RABEP1: variants seen among roughly 807,000 people sequenced by gnomAD.
RABEP1 encodes rabaptin, RAB GTPase binding effector protein 1.
Under a neutral mutation model 123.4 loss-of-function variants are expected in RABEP1, and 51 were observed. The observed-to-expected ratio is 0.41, with a 90% CI of 0.33 to 0.52. The LOEUF (loss-of-function observed/expected upper bound fraction) is 0.52, where lower values mean the gene tolerates loss of function less well. Ranked by LOEUF, RABEP1 falls within the 20% of genes least tolerant of loss-of-function variation. The pLI, the probability that RABEP1 is intolerant of heterozygous loss-of-function variation, is 0.16. For synonymous variants in RABEP1, 347 were observed against 355.2 expected (o/e 0.98, Z 0.26); for missense variants, 888 against 996.3 (o/e 0.89, Z 1.46).
intron 2 of RABEP1, among the ~76,000 whole-genome samples, chr17:5,318,399 C>CA (rs1333379042): frequency 6.6e-6 from 1 of 151,854 alleles, no homozygotes; most frequent in African/African-American, 2.4e-5. Flanking sequence ...GAAGTTGTTA[C>CA]AAAAAAGTAC....
At chr17:5,380,513 G>A in intron 16 of RABEP1, 51 bp downstream of exon 16, 3 of 1,349,646 alleles carry the variant, frequency 2.2e-6, no homozygotes, top group South Asian at 1.3e-5. Flanking sequence ...TAAGAATGCA[G>A]GATCACATCT....
chr17:5,293,973 A>G (rs2075056802), intron 1 of RABEP1, among the ~76,000 whole-genome samples: 2 of 152,136 alleles, frequency 1.3e-5, no homozygotes, highest in Admixed American at 6.6e-5. Context: ...TTCTATAATT[A>G]TTTTATAATT....
intron 9 of RABEP1, 104 bp from the exon 10 acceptor site, chr17:5,362,808 C>G (rs1050615920): frequency 2.7e-6 from 2 of 742,838 alleles, no homozygotes; most frequent in African/African-American, 3.5e-5. Flanking sequence ...AAAGTGTTTA[C>G]TGCATGTTCT....
chr17:5,372,555 G>A (rs1485394153), intron 12 of RABEP1, among the ~76,000 whole-genome samples: 5 of 152,166 alleles, frequency 3.3e-5, no homozygotes, highest in Non-Finnish European at 4.4e-5. Flanking sequence ...CAGTGATTCC[G>A]AGCCTAAACA....
intron 2 of RABEP1, among the ~76,000 whole-genome samples, chr17:5,311,496 A>G (rs955155386): frequency 3.3e-5 from 5 of 151,948 alleles, no homozygotes; most frequent in Admixed American, 1.3e-4. Context: ...TGAGTTCGAG[A>G]CCAGCTGGGC....
chr17:5,358,363 GT>G (rs1168980507), intron 8 of RABEP1, among the ~76,000 whole-genome samples: 3 of 151,900 alleles, frequency 2.0e-5, no homozygotes, highest in African/African-American at 7.3e-5. Flanking sequence ...ATTTTTTAGT[GT>G]GAGTTCTTAG....
intron 11 of RABEP1, among the ~76,000 whole-genome samples, chr17:5,365,959 T>C (rs1199834978): frequency 6.6e-6 from 1 of 152,258 alleles, no homozygotes; most frequent in African/African-American, 2.4e-5. Context: ...TGGGATATTA[T>C]GAATAATGTT....
In RABEP1 at chr17:5,295,990, A is replaced by G. The variant is rs568691584; in HGVS notation, c.35-12704A>G. On this transcript the variant is annotated intron_variant, in intron 1 of 17. Coordinates refer to ENST00000537505, the MANE Select transcript of RABEP1 (RefSeq NM_004703.6). ...CCTTATATTGGATAGTCTGTTTCTC[A>G]TAGCTGTTTCCTCTCTAATTCCTTT... Among the ~76,000 whole-genome samples the G allele has an allele frequency of 2.6e-5, 4 of 152,284 alleles. No individual in the cohort carries two copies. The South Asian group carries it at 6.2e-4, about 24-fold the overall frequency.
chr17:5,282,314 G>T lies in RABEP1; in HGVS notation c.-173G>T, dbSNP rs900648291. 3 of 436,170 alleles carry T rather than the reference G, an allele frequency of 6.9e-6. No homozygotes were observed. Among genetic ancestry groups the T allele is most frequent in the Non-Finnish European group, 1.2e-5 (3 of 258,590 alleles). The allele number at this position is 436,170 out of a possible 1,614,324, so 27.0% of individuals were successfully genotyped here. A position where few individuals can be genotyped will look rare whatever the true frequency, so the allele number is the denominator to read the frequency against. On this transcript the variant is annotated 5_prime_UTR_variant, in exon 1 of 18. Coordinates refer to ENST00000537505, the MANE Select transcript of RABEP1 (RefSeq NM_004703.6). The stretch of plus-strand genomic sequence containing the variant: ...GATGAGGAGGCGGAGGTCGGCGGTC[G>T]GGTCCGTCTCTGCCCGCGGCTGTGG...
Position 5,368,466 on chromosome 17 carries a change from A to AT in RABEP1, c.1883dup (p.Met628IlefsTer22). On this transcript the variant is annotated frameshift_variant and splice_region_variant, in exon 12 of 18. Coordinates refer to ENST00000537505, the MANE Select transcript of RABEP1 (RefSeq NM_004703.6). LOFTEE classifies it high-confidence loss of function. Reference sequence around the variant, plus strand: ...GGCAAAGAGGGATGTTCAGGAACAGATGGTAAGTTTACATTTTAAGTAAAT... The same window carrying AT: ...GGCAAAGAGGGATGTTCAGGAACAGATTGGTAAGTTTACATTTTAAGTAAAT... 6.2e-7 allele frequency: 1 copy of AT among 1,608,174 alleles called. No homozygotes were observed. The highest frequency in any genetic ancestry group is 8.5e-7 in the Non-Finnish European group (1 of 1,175,070).
chr17:5,359,264 C>T (rs955746296), intron 8 of RABEP1, among the ~76,000 whole-genome samples: 18 of 151,984 alleles, frequency 1.2e-4, no homozygotes, highest in Admixed American at 7.9e-4. Flanking sequence ...TTAATAGAGA[C>T]GGGGTTTCAC....
intron 13 of RABEP1, among the ~76,000 whole-genome samples, chr17:5,374,036 AAC>A (rs1343292820): frequency 5.3e-5 from 8 of 152,184 alleles, no homozygotes; most frequent in Admixed American, 3.9e-4. Flanking sequence ...GAAAAGTTAT[AAC>A]ACACTCACCA....
At chr17:5,312,890 T>G (rs565081766) in intron 2 of RABEP1, among the ~76,000 whole-genome samples, 25 of 152,240 alleles carry the variant, frequency 1.6e-4, no homozygotes, top group Middle Eastern at 6.8e-3. Flanking sequence ...GTGGATCACC[T>G]GAGGTCAGGA....
At chr17:5,304,134 G>T (rs542155647) in intron 1 of RABEP1, among the ~76,000 whole-genome samples, 1 of 152,166 alleles carries the variant, frequency 6.6e-6, no homozygotes, top group South Asian at 2.1e-4. Flanking sequence ...TTAAGTTATT[G>T]CGTGTTCTCT....
At position 5,323,842 on chromosome 17, in the gene RABEP1, ATATATATATATC is replaced by A. The variant is rs1483071501; in HGVS notation, c.164-8104_164-8093del. On this transcript the variant is annotated intron_variant, in intron 2 of 17. Coordinates refer to ENST00000537505, the MANE Select transcript of RABEP1 (RefSeq NM_004703.6). The stretch of plus-strand genomic sequence containing the variant: ...GGAATATATATATATATCTAGGAAT[ATATATATATATC>A]TAGGAATATATATATATATCTAGGA... 1.8e-4 allele frequency among the ~76,000 whole-genome samples: 25 copies of A among 136,236 alleles called. 2 individuals carry two copies. Among genetic ancestry groups the A allele is most frequent in the African/African-American group, 6.5e-4 (24 of 36,852 alleles). 89.4% of individuals were successfully genotyped at this position (136,236 alleles called of 152,430 possible).
chr17:5,359,953 T>C (rs1327886240), intron 8 of RABEP1, among the ~76,000 whole-genome samples: 1 of 152,214 alleles, frequency 6.6e-6, no homozygotes, highest in Non-Finnish European at 1.5e-5. Context: ...CTGTACCACG[T>C]TGTTTAAAAA....
chr17:5,337,684 C>G (rs1488793083), intron 4 of RABEP1, among the ~76,000 whole-genome samples: 1 of 151,866 alleles, frequency 6.6e-6, no homozygotes, highest in African/African-American at 2.4e-5. Flanking sequence ...CAGAGCGAGA[C>G]TCCGTCTCAA....
chr17:5,365,797 C>T (rs931765276), intron 11 of RABEP1, among the ~76,000 whole-genome samples: 1 of 152,216 alleles, frequency 6.6e-6, no homozygotes, highest in South Asian at 2.1e-4. Context: ...TGTTCTTTTG[C>T]GTCTGTGTTC....
rs1419793685 is a variant in RABEP1 at position 5,383,511 on chromosome 17, C to CTTTCTCCAAGACAGATTT, written c.*290_*307dup. The CTTTCTCCAAGACAGATTT allele has an allele frequency of 1.3e-5, 5 of 381,016 alleles. No homozygotes were observed. Among genetic ancestry groups the CTTTCTCCAAGACAGATTT allele is most frequent in the Non-Finnish European group, 1.9e-5 (4 of 206,414 alleles). The allele number at this position is 381,016 out of a possible 1,614,324, so 23.6% of individuals were successfully genotyped here. On this transcript the variant is annotated 3_prime_UTR_variant, in exon 18 of 18. Transcript: ENST00000537505. Reference sequence around the variant, plus strand: ...GGAAAAAGCGCTGTTTCCTTGCCTGCTTTCTCCAAGACAGATTTTCGGAAC... The same window carrying CTTTCTCCAAGACAGATTT: ...GGAAAAAGCGCTGTTTCCTTGCCTGCTTTCTCCAAGACAGATTTTTTCTCCAAGACAGATTTTCGGAAC...
Sources: gnomAD v4.1 joint callset for allele counts (sites outside exome capture counted in the v4.1 genomes callset) on GRCh38, gnomAD v4.1.1 for gene constraint, MANE v1.5 for transcripts, NCBI Gene and HGNC (gene_info 2026-07-23, HGNC 2026-07-21) for gene names.